ADCY2: variants seen among roughly 807,000 people sequenced by gnomAD.
The protein encoded by ADCY2 is adenylate cyclase type 2.
In ADCY2, 31 loss-of-function variants were observed where a neutral mutation model predicts 125.2. That is an observed-to-expected ratio of 0.25 (90% CI 0.19 to 0.33). ADCY2 has a LOEUF of 0.33. Among genes scored for constraint, ADCY2 ranks in the 10% least tolerant of loss-of-function variants. The probability of loss-of-function intolerance (pLI) is 1.00; values close to 1 mark genes in which losing one functional copy is unlikely to be tolerated. For missense variants in ADCY2, 904 were observed against 1,418.2 expected, an observed-to-expected ratio of 0.64 and a Z score of 5.82; for synonymous variants, 512 against 548.4, an observed-to-expected ratio of 0.93 and a Z score of 0.93.
At chr5:7,738,197 T>C (rs1210393446) in intron 14 of ADCY2, among the ~76,000 whole-genome samples, 2 of 152,076 alleles carry the variant, frequency 1.3e-5, no homozygotes. Context: ...AACAATGACA[T>C]GTGACATATA....
At chr5:7,565,629 A>G (rs945229583) in intron 3 of ADCY2, among the ~76,000 whole-genome samples, 2 of 152,348 alleles carry the variant, frequency 1.3e-5, no homozygotes, top group Admixed American at 1.3e-4. Context: ...ATTGTAGGCC[A>G]GTGGCTGCCT....
rs1324248859 is a variant in ADCY2, at chr5:7,828,994, C to T, written c.*2123C>T. On this transcript the variant is annotated 3_prime_UTR_variant, in exon 25 of 25. Transcript: ENST00000338316. ...CGCTAAAAAGAACTCAAAAGGAGAA[C>T]TGTGCTCTCCCAAAGCCATATCACC... 6.6e-6 allele frequency: 1 copy of T among 152,388 alleles called. No individual in the cohort carries two copies. Among genetic ancestry groups the T allele is most frequent in the African/African-American group, 2.4e-5 (1 of 41,454 alleles). The allele number at this position is 152,388 out of a possible 1,614,324, so 9.4% of individuals were successfully genotyped here.
intron 4 of ADCY2, among the ~76,000 whole-genome samples, chr5:7,638,653 A>C (rs1399656576): frequency 1.3e-5 from 2 of 152,228 alleles, no homozygotes; most frequent in African/African-American, 4.8e-5. Context: ...GATCACTGGA[A>C]TGCAGCAGCC....
chr5:7,401,971 T>C (rs1739280295), intron 1 of ADCY2, among the ~76,000 whole-genome samples: 1 of 152,232 alleles, frequency 6.6e-6, no homozygotes, highest in Admixed American at 6.5e-5. Flanking sequence ...CATTTCTTCC[T>C]TCATTGAGTA....
At chr5:7,473,136 C>T (rs1230618182) in intron 2 of ADCY2, among the ~76,000 whole-genome samples, 6 of 152,030 alleles carry the variant, frequency 3.9e-5, no homozygotes. Flanking sequence ...GCTTTCCTGT[C>T]CCTTCCCCAG....
intron 3 of ADCY2, among the ~76,000 whole-genome samples, chr5:7,562,368 G>A (rs1045652958): frequency 6.6e-6 from 1 of 152,082 alleles, no homozygotes; most frequent in Non-Finnish European, 1.5e-5. Context: ...TTAAATAAAA[G>A]TGGTGAGAGT....
chr5:7,606,575 C>T lies in ADCY2; in HGVS notation c.571-19592C>T, dbSNP rs555905787. On this transcript the variant is annotated intron_variant, in intron 3 of 24. Coordinates refer to ENST00000338316, the MANE Select transcript of ADCY2 (RefSeq NM_020546.3). ...ATTTATTATTACTGAAGGCTCTACC[C>T]GGGCACATTCTTGCAGGCTCTGAAG... 6.8e-4 allele frequency among the ~76,000 whole-genome samples: 104 copies of T among 152,134 alleles called. 1 individual carries two copies. Among genetic ancestry groups the T allele is most frequent in the Non-Finnish European group, 2.8e-4 (19 of 68,022 alleles).
At chr5:7,775,220 C>CATACATATACAT (rs567290830) in intron 18 of ADCY2, among the ~76,000 whole-genome samples, 4 of 149,548 alleles carry the variant, frequency 2.7e-5, no homozygotes, top group Non-Finnish European at 5.9e-5. Flanking sequence ...TATGCACACA[C>CATACATATACAT]ATACATATAC....
At chr5:7,644,100 G>A (rs910029348) in intron 4 of ADCY2, among the ~76,000 whole-genome samples, 1 of 151,892 alleles carries the variant, frequency 6.6e-6, no homozygotes, top group Non-Finnish European at 1.5e-5. Flanking sequence ...CTCACAAATA[G>A]TGTCTTCATT....
At chr5:7,742,145 C>T (rs1371593036) in intron 14 of ADCY2, among the ~76,000 whole-genome samples, 2 of 136,148 alleles carry the variant, frequency 1.5e-5, no homozygotes, top group African/African-American at 5.6e-5. Context: ...AAAAAAAAAA[C>T]CTGTCAGAGC....
chr5:7,494,775 C>T (rs142819175), intron 2 of ADCY2, among the ~76,000 whole-genome samples: 29 of 152,256 alleles, frequency 1.9e-4, no homozygotes, highest in Admixed American at 5.2e-4. Flanking sequence ...ACCAAGGTGT[C>T]AAGTAACAGA....
At chr5:7,646,167 A>C (rs1738887684) in intron 4 of ADCY2, among the ~76,000 whole-genome samples, 1 of 152,178 alleles carries the variant, frequency 6.6e-6, no homozygotes, top group Non-Finnish European at 1.5e-5. Context: ...AACTTGATTA[A>C]GACTAAATAA....
intron 3 of ADCY2, among the ~76,000 whole-genome samples, chr5:7,576,738 T>C (rs1343832865): frequency 6.6e-6 from 1 of 152,152 alleles, no homozygotes; most frequent in East Asian, 1.9e-4. Flanking sequence ...AGCTTGTAAA[T>C]GAAGATGGAA....
chr5:7,665,774 CTT>C (rs1216985931), intron 4 of ADCY2, among the ~76,000 whole-genome samples: 1 of 138,952 alleles, frequency 7.2e-6, no homozygotes, highest in Non-Finnish European at 1.6e-5. Context: ...TGATATTACT[CTT>C]TAAGATATCT....
In ADCY2 at chr5:7,527,213, G is replaced by A. The variant is rs193123755; in HGVS notation, c.570+6314G>A. ...GCCCTCAGAGGATATCAGAGGCTGG[G>A]ATCATGCCTTCCAGCCAGGCTCAGT... On this transcript the variant is annotated intron_variant, in intron 3 of 24. Coordinates refer to ENST00000338316, the MANE Select transcript of ADCY2 (RefSeq NM_020546.3). 1.0e-3 allele frequency among the ~76,000 whole-genome samples: 155 copies of A among 152,312 alleles called. 2 individuals carry two copies. Among genetic ancestry groups the A allele is most frequent in the South Asian group, 1.9e-3 (9 of 4,832 alleles).
At chr5:7,451,339 T>C (rs1741463216) in intron 2 of ADCY2, among the ~76,000 whole-genome samples, 1 of 152,226 alleles carries the variant, frequency 6.6e-6, no homozygotes, top group Non-Finnish European at 1.5e-5. Flanking sequence ...CCCTCATGGG[T>C]GACTTCGTCT....
At chr5:7,594,635 C>G (rs1736949978) in intron 3 of ADCY2, among the ~76,000 whole-genome samples, 1 of 152,134 alleles carries the variant, frequency 6.6e-6, no homozygotes, top group African/African-American at 2.4e-5. Context: ...TTGTTATTGT[C>G]CCCAACCAAA....
At chr5:7,600,376 G>A (rs1737157836) in intron 3 of ADCY2, among the ~76,000 whole-genome samples, 1 of 152,286 alleles carries the variant, frequency 6.6e-6, no homozygotes, top group Admixed American at 6.5e-5. Flanking sequence ...AACTGGTATG[G>A]ACATGGCTAC....
At chr5:7,659,207 T>C (rs1032991915) in intron 4 of ADCY2, among the ~76,000 whole-genome samples, 1 of 152,266 alleles carries the variant, frequency 6.6e-6, no homozygotes, top group African/African-American at 2.4e-5. Context: ...AGCATAGGTA[T>C]GGTTTTCCTT....
Sources: gnomAD v4.1 joint callset for allele counts (sites outside exome capture counted in the v4.1 genomes callset) on GRCh38, gnomAD v4.1.1 for gene constraint, MANE v1.5 for transcripts, NCBI Gene and HGNC (gene_info 2026-07-23, HGNC 2026-07-21) for gene names.